PCNX2: variants seen among roughly 807,000 people sequenced by gnomAD.
The protein encoded by PCNX2 is pecanex-like protein 2.
Under a neutral mutation model 223.8 loss-of-function variants are expected in PCNX2, and 168 were observed. That is an observed-to-expected ratio of 0.75 (90% CI 0.66 to 0.85). PCNX2 has a LOEUF of 0.85. Ranked by LOEUF, PCNX2 falls within the 40% of genes least tolerant of loss-of-function variation. PCNX2 has a pLI of 0.00. For missense variants in PCNX2, 2,507 were observed against 2,675.5 expected, an observed-to-expected ratio of 0.94 and a Z score of 1.39; for synonymous variants, 1,006 against 1,052.6, an observed-to-expected ratio of 0.96 and a Z score of 0.86.
At chr1:233,003,310 A>G (rs1377476054) in intron 28 of PCNX2, among the ~76,000 whole-genome samples, 4 of 152,202 alleles carry the variant, frequency 2.6e-5, no homozygotes, top group Admixed American at 6.5e-5. Context: ...AATTTATAAG[A>G]AAAAAACAAC....
rs185283185 is a variant in PCNX2 at position 233,240,200 on chromosome 1, C to A, written c.2223-3220G>T. Reference sequence around the variant, plus strand: ...TGTAGTTATAATCCAGCTTGCCCACCCAAGTACCAAAGAGACGATGATGTC... The same window carrying A: ...TGTAGTTATAATCCAGCTTGCCCACACAAGTACCAAAGAGACGATGATGTC... On this transcript the variant is annotated intron_variant, in intron 8 of 33. Coordinates refer to ENST00000258229, the MANE Select transcript of PCNX2 (RefSeq NM_014801.4). 6.6e-5 allele frequency among the ~76,000 whole-genome samples: 10 copies of A among 152,246 alleles called. No individual in the cohort carries two copies. In the East Asian group the frequency reaches 1.9e-3, roughly 29 times the overall value.
rs1196977912 is a variant in PCNX2 at position 233,144,951 on chromosome 1, TTG to T, written c.3518-5098_3518-5097del. Among the ~76,000 whole-genome samples the T allele has an allele frequency of 1.4e-4, 9 of 63,826 alleles. No individual in the cohort carries two copies. The Admixed American group carries it at 1.7e-3, about 12-fold the overall frequency. 41.9% of individuals were successfully genotyped at this position (63,826 alleles called of 152,430 possible). On this transcript the variant is annotated intron_variant, in intron 19 of 33. Transcript: ENST00000258229. ...GGTGCTATTTGTTGTTGTTGTTGTT[TTG>T]TTTTTTTTTTTTGTTTCTTTTTTTT...
At chr1:233,002,731 A>G (rs1670131057) in intron 28 of PCNX2, among the ~76,000 whole-genome samples, 1 of 152,238 alleles carries the variant, frequency 6.6e-6, no homozygotes. Flanking sequence ...AGCTGGAGGC[A>G]TCACGCTACC....
chr1:233,143,001 G>A (rs918390445), intron 19 of PCNX2, among the ~76,000 whole-genome samples: 3 of 151,832 alleles, frequency 2.0e-5, no homozygotes, highest in Non-Finnish European at 4.4e-5. Flanking sequence ...TTCAACACCC[G>A]TAACTTTAAT....
chr1:233,231,280 A>AGTC (rs1658044512), intron 9 of PCNX2, among the ~76,000 whole-genome samples: 3 of 152,200 alleles, frequency 2.0e-5, no homozygotes, highest in African/African-American at 2.4e-5. Context: ...TAATACATAT[A>AGTC]GTCTCATTGT....
At chr1:233,023,071 A>G (rs1670952536) in intron 26 of PCNX2, among the ~76,000 whole-genome samples, 1 of 152,172 alleles carries the variant, frequency 6.6e-6, no homozygotes, top group Middle Eastern at 3.2e-3. Flanking sequence ...CTAGACCCAC[A>G]CTGCTGGTCC....
intron 1 of PCNX2, among the ~76,000 whole-genome samples, chr1:233,268,550 C>T (rs192685551): frequency 6.6e-6 from 1 of 152,314 alleles, no homozygotes; most frequent in East Asian, 1.9e-4. Context: ...TCATTCTGCA[C>T]ATGAAGAAGC....
At chr1:233,035,834 C>T (rs149466982) in intron 25 of PCNX2, among the ~76,000 whole-genome samples, 5 of 152,204 alleles carry the variant, frequency 3.3e-5, no homozygotes, top group Non-Finnish European at 7.3e-5. Flanking sequence ...GCATTACAGG[C>T]TGGGAACACA....
In PCNX2 at chr1:233,020,566, C is replaced by G. The variant is rs187224956; in HGVS notation, c.4606-3412G>C. Among the ~76,000 whole-genome samples, 557 of 152,352 alleles carry G rather than the reference C, an allele frequency of 3.7e-3. 3 individuals are homozygous for G. The highest frequency in any genetic ancestry group is 6.8e-3 in the Middle Eastern group (2 of 294). On this transcript the variant is annotated intron_variant, in intron 26 of 33. Coordinates refer to ENST00000258229, the MANE Select transcript of PCNX2 (RefSeq NM_014801.4). ...TAGATCAGCATATTCTTTCAGACAA[C>G]TCATTCTAGGAAGGCGGGCCTGGCA...
intron 12 of PCNX2, among the ~76,000 whole-genome samples, chr1:233,212,030 C>G (rs750240): frequency 1.3e-5 from 2 of 151,972 alleles, no homozygotes; most frequent in South Asian, 4.1e-4. Context: ...TGTGTTTTAT[C>G]ATTTCTCACA....
At chr1:233,285,704 A>T (rs1452713945) in intron 1 of PCNX2, among the ~76,000 whole-genome samples, 1 of 152,146 alleles carries the variant, frequency 6.6e-6, no homozygotes, top group Non-Finnish European at 1.5e-5. Flanking sequence ...CAAACAAAAA[A>T]CTTGGTAAAG....
rs73103480 is a variant in PCNX2 at position 233,031,678 on chromosome 1, C to T, written c.4352-6279G>A. On this transcript the variant is annotated intron_variant, in intron 25 of 33. Transcript: ENST00000258229. ...AGGTCAGGAAGGGGAAAAGCCCAGC[C>T]GGCTGCATTCATAAAAAGGGAGACA... is the stretch of plus-strand genomic sequence containing the variant. 8,244 of 920,082 alleles carry T rather than the reference C, an allele frequency of 9.0e-3. 528 individuals carry two copies. The African/African-American group carries it at 0.13, about 15-fold the overall frequency. 57.0% of individuals were successfully genotyped at this position (920,082 alleles called of 1,614,324 possible). A position where few individuals can be genotyped will look rare whatever the true frequency, so the allele number is the denominator to read the frequency against.
intron 25 of PCNX2, among the ~76,000 whole-genome samples, chr1:233,047,808 C>T (rs923142179): frequency 1.3e-5 from 2 of 152,062 alleles, no homozygotes; most frequent in Non-Finnish European, 1.5e-5. Flanking sequence ...ATCATCGAGG[C>T]GGAAAACTAA....
At chr1:233,120,383 A>T (rs895369186) in intron 21 of PCNX2, among the ~76,000 whole-genome samples, 2 of 152,138 alleles carry the variant, frequency 1.3e-5, no homozygotes, top group African/African-American at 4.8e-5. Flanking sequence ...TGTAAATTAA[A>T]ACCACAATGA....
At chr1:233,106,480 GTAGC>G (rs1674788293) in intron 21 of PCNX2, among the ~76,000 whole-genome samples, 1 of 151,360 alleles carries the variant, frequency 6.6e-6, no homozygotes, top group African/African-American at 2.4e-5. Context: ...AGCCTCTCGA[GTAGC>G]TGTGACTGCA....
chr1:233,073,467 T>TA (rs995222071), intron 23 of PCNX2, among the ~76,000 whole-genome samples: 1 of 152,144 alleles, frequency 6.6e-6, no homozygotes, highest in African/African-American at 2.4e-5. Flanking sequence ...TTGAGATCTT[T>TA]AAAAAATTTT....
intron 5 of PCNX2, among the ~76,000 whole-genome samples, chr1:233,257,031 C>T (rs986881379): frequency 5.9e-5 from 9 of 152,172 alleles, no homozygotes; most frequent in Non-Finnish European, 1.2e-4. Context: ...AAATGATATG[C>T]TCAGAAATCA....
the PCNX2 span, among the ~76,000 whole-genome samples, chr1:233,308,854 T>C: frequency 6.6e-6 from 1 of 151,848 alleles, no homozygotes; most frequent in Non-Finnish European, 1.5e-5. Flanking sequence ...AAGAAACAAA[T>C]GAAGCACAAA....
chr1:233,081,873 C>A (rs531934488), intron 23 of PCNX2, among the ~76,000 whole-genome samples: 27 of 152,242 alleles, frequency 1.8e-4, no homozygotes, highest in Middle Eastern at 3.4e-3. Context: ...TGCCTCGGGG[C>A]TCTGAGCTGC....
Sources: allele counts gnomAD v4.1 joint callset (sites outside exome capture counted in the v4.1 genomes callset), GRCh38; gene constraint gnomAD v4.1.1; transcripts MANE v1.5; gene names NCBI Gene and HGNC (gene_info 2026-07-23, HGNC 2026-07-21).